The following EML4 variants were observed in gnomAD, a reference collection of about 807,000 sequenced individuals.
EML4 encodes echinoderm microtubule-associated protein-like 4.
EML4 carries 72 observed loss-of-function variants against 129.0 expected under a neutral mutation model. That is an observed-to-expected ratio of 0.56 (90% CI 0.46 to 0.68). The LOEUF (loss-of-function observed/expected upper bound fraction) is 0.68. Ranked by LOEUF, EML4 falls within the 30% of genes least tolerant of loss-of-function variation. The pLI, the probability that EML4 is intolerant of heterozygous loss-of-function variation, is 0.00. For synonymous variants in EML4, 532 were observed against 405.0 expected (o/e 1.31, Z -3.77); for missense variants, 1,363 against 1,190.6 (o/e 1.14, Z -2.13).
chr2:42,193,328 C>T (rs1186332313), intron 1 of EML4, among the ~76,000 whole-genome samples: 1 of 152,202 alleles, frequency 6.6e-6, no homozygotes, highest in Non-Finnish European at 1.5e-5. Flanking sequence ...TTTCTCAGAA[C>T]TGACACATGT....
chr2:42,209,104 A>G (rs1370710227), intron 1 of EML4, among the ~76,000 whole-genome samples: 1 of 152,156 alleles, frequency 6.6e-6, no homozygotes, highest in Non-Finnish European at 1.5e-5. Flanking sequence ...TCTAATTGTA[A>G]AGGAATGAGA....
At chr2:42,229,535 C>A (rs1164444805) in intron 1 of EML4, among the ~76,000 whole-genome samples, 3 of 151,994 alleles carry the variant, frequency 2.0e-5, no homozygotes, top group Non-Finnish European at 2.9e-5. Context: ...AGATAACTGT[C>A]TTGCAAGAGT....
chr2:42,212,295 AT>A (rs1672929476), intron 1 of EML4, among the ~76,000 whole-genome samples: 1 of 152,106 alleles, frequency 6.6e-6, no homozygotes, highest in South Asian at 2.1e-4. Flanking sequence ...TCTAATTTGT[AT>A]TTTACTTTCA....
At chr2:42,222,782 CTTTTG>C (rs1206404575) in intron 1 of EML4, among the ~76,000 whole-genome samples, 1 of 139,792 alleles carries the variant, frequency 7.2e-6, no homozygotes, top group Non-Finnish European at 1.6e-5. Context: ...TATAACGGTT[CTTTTG>C]TTTGTTTTGT....
chr2:42,301,432 AAACTCAG>A (rs1432467362), intron 14 of EML4, 40 bp downstream of exon 14: 1 of 1,482,370 alleles, frequency 6.7e-7, no homozygotes, highest in East Asian at 2.5e-5. Context: ...TAAATACTCT[AAACTCAG>A]GTATTTTGTC....
intron 1 of EML4, among the ~76,000 whole-genome samples, chr2:42,177,650 C>G (rs936251044): frequency 6.6e-6 from 1 of 152,070 alleles, no homozygotes; most frequent in Admixed American, 6.5e-5. Context: ...AACAAAAACT[C>G]ATTATGTTCT....
intron 1 of EML4, among the ~76,000 whole-genome samples, chr2:42,222,198 T>C (rs761907542): frequency 1.3e-5 from 2 of 152,114 alleles, no homozygotes; most frequent in Non-Finnish European, 2.9e-5. Context: ...TTAAAATTAT[T>C]TTATATATTT....
rs1001904247 is a variant in EML4 at position 42,210,471 on chromosome 2, G to C, written c.26-35034G>C. Among the ~76,000 whole-genome samples, 19 of 152,246 alleles carry C rather than the reference G, an allele frequency of 1.2e-4. No individual in the cohort carries two copies. The East Asian group carries it at 3.7e-3, about 29-fold the overall frequency. ...CACTTCACTGAGGTACTGTTTGTTA[G>C]GTTTCTCCTTTGTAAAATTACTTTT... On this transcript the variant is annotated intron_variant, in intron 1 of 22. Coordinates refer to ENST00000318522, the MANE Select transcript of EML4 (RefSeq NM_019063.5).
chr2:42,303,046 C>T (rs765484106), intron 14 of EML4, 58 bp from the exon 15 acceptor site: 116 of 1,547,994 alleles, frequency 7.5e-5, no homozygotes, highest in Non-Finnish European at 8.5e-5. Flanking sequence ...ATGCAGGCTT[C>T]GAGTAGTAAT....
intron 17 of EML4, 145 bp downstream of exon 17, chr2:42,304,696 A>G: frequency 1.5e-6 from 1 of 667,342 alleles, no homozygotes; most frequent in South Asian, 1.9e-5. Flanking sequence ...GTATATTCAT[A>G]GAATTCAATT....
chr2:42,230,452 G>A (rs764330490), intron 1 of EML4, among the ~76,000 whole-genome samples: 2 of 151,912 alleles, frequency 1.3e-5, no homozygotes, highest in Admixed American at 6.6e-5. Flanking sequence ...TGTTGCACAG[G>A]CTAGAGTACA....
chr2:42,278,518 G>C (rs574951959), intron 6 of EML4, among the ~76,000 whole-genome samples: 46 of 146,252 alleles, frequency 3.1e-4, no homozygotes, highest in African/African-American at 1.2e-3. Context: ...AGGTTGCGGT[G>C]AGCCGAGCTC....
At chr2:42,291,398 CTTTTTTTTT>C (rs5830720) in intron 11 of EML4, among the ~76,000 whole-genome samples, 7 of 123,144 alleles carry the variant, frequency 5.7e-5, no homozygotes, top group East Asian at 2.2e-4. Flanking sequence ...ATCAAGACAC[CTTTTTTTTT>C]TTTTTTTTTT....
At position 42,287,908 on chromosome 2, in the gene EML4, G is replaced by GT. The variant is rs759577936; in HGVS notation, c.1123-319_1123-318insT. Among the ~76,000 whole-genome samples, 14 of 152,170 alleles carry GT rather than the reference G, an allele frequency of 9.2e-5. No homozygotes were observed. The South Asian group carries it at 2.9e-3, about 32-fold the overall frequency. ...AATAGCTTAATACAGGCAGCAAGAA[G>GT]GAAGCATAAGATGCAGAAGGGACTA... On this transcript the variant is annotated intron_variant, in intron 10 of 22. Transcript: ENST00000318522.
At chr2:42,174,817 TTTTG>T (rs922221766) in intron 1 of EML4, among the ~76,000 whole-genome samples, 33 of 152,224 alleles carry the variant, frequency 2.2e-4, no homozygotes, top group Middle Eastern at 3.4e-3. Flanking sequence ...AGTGGTTTTT[TTTTG>T]TTTGTTTGTT....
chr2:42,269,360 G>A (rs556424972), intron 6 of EML4, among the ~76,000 whole-genome samples: 1 of 152,204 alleles, frequency 6.6e-6, no homozygotes, highest in South Asian at 2.1e-4. Context: ...TTTCTTTATT[G>A]TTCTTTATCA....
chr2:42,202,466 A>T (rs1201109315), intron 1 of EML4, among the ~76,000 whole-genome samples: 1 of 152,184 alleles, frequency 6.6e-6, no homozygotes, highest in African/African-American at 2.4e-5. Context: ...ATACATGTAT[A>T]TATAAAAGGG....
intron 2 of EML4, among the ~76,000 whole-genome samples, chr2:42,248,990 C>G (rs1675594460): frequency 6.6e-6 from 1 of 152,106 alleles, no homozygotes; most frequent in Non-Finnish European, 1.5e-5. Context: ...ATGTTATTGG[C>G]AACTCTGAAC....
chr2:42,221,750 C>A (rs1469899591), intron 1 of EML4, among the ~76,000 whole-genome samples: 1 of 151,800 alleles, frequency 6.6e-6, no homozygotes, highest in Non-Finnish European at 1.5e-5. Context: ...ATTATAGGTG[C>A]CCACTACCAC....
Sources: gnomAD v4.1 joint callset for allele counts (sites outside exome capture counted in the v4.1 genomes callset) on GRCh38, gnomAD v4.1.1 for gene constraint, MANE v1.5 for transcripts, NCBI Gene and HGNC (gene_info 2026-07-23, HGNC 2026-07-21) for gene names.